The following FAM114A2 variants were observed in gnomAD, a reference collection of about 807,000 sequenced individuals.
The protein encoded by FAM114A2 is family with sequence similarity 114 member A2.
In FAM114A2, 53 loss-of-function variants were observed where a neutral mutation model predicts 58.4. That is an observed-to-expected ratio of 0.91 (90% CI 0.73 to 1.14). The LOEUF is 1.14. FAM114A2 is among the 50% of genes most tolerant of loss of function. The pLI is 0.00. For synonymous variants in FAM114A2, 228 were observed against 211.4 expected (o/e 1.08, Z -0.68); for missense variants, 601 against 581.1 (o/e 1.03, Z -0.35).
At chr5:153,995,080 T>G (rs1052940594) in intron 12 of FAM114A2, 108 bp from the exon 13 acceptor site, 5 of 730,688 alleles carry the variant, frequency 6.8e-6, no homozygotes, top group Non-Finnish European at 1.2e-5. Context: ...AAATATTAAA[T>G]ATAAGCACAG....
Position 153,992,893 on chromosome 5 carries a change from ACTCCT to A in FAM114A2, c.*78_*82del. The A allele has an allele frequency of 8.0e-7, 1 of 1,256,154 alleles. No homozygotes were observed. Among genetic ancestry groups the A allele is most frequent in the East Asian group, 2.4e-5 (1 of 41,240 alleles). 77.8% of individuals were successfully genotyped at this position (1,256,154 alleles called of 1,614,324 possible). A position where few individuals can be genotyped will look rare whatever the true frequency, so the allele number is the denominator to read the frequency against. On this transcript the variant is annotated 3_prime_UTR_variant, in exon 14 of 14. Transcript: ENST00000351797. Reference sequence around the variant, plus strand: ...AATTTTTATATACTAAAATAACCCCACTCCTTCATTTCTGCAGGAGTAGCCAGAAT... The same window carrying A: ...AATTTTTATATACTAAAATAACCCCATCATTTCTGCAGGAGTAGCCAGAAT...
At chr5:153,997,305 G>A (rs1769635293) in intron 12 of FAM114A2, among the ~76,000 whole-genome samples, 1 of 152,136 alleles carries the variant, frequency 6.6e-6, no homozygotes. Flanking sequence ...ATACATGCAT[G>A]TTCATAGCAA....
chr5:154,010,351 G>A lies in FAM114A2; in HGVS notation c.993+890C>T, dbSNP rs75493691. On this transcript the variant is annotated intron_variant, in intron 9 of 13. Transcript: ENST00000351797. ...AAGATCAAAAGTGCTTTAGTAAAGT[G>A]TTACAGTAGAGGTGAGGGAGATGAG... 1.9e-3 allele frequency among the ~76,000 whole-genome samples: 282 copies of A among 152,304 alleles called. 1 individual carries two copies. The highest frequency in any genetic ancestry group is 2.2e-3 in the Non-Finnish European group (153 of 68,026).
intron 6 of FAM114A2, 99 bp downstream of exon 6, chr5:154,028,050 A>C (rs2113461704): frequency 9.1e-7 from 1 of 1,098,416 alleles, no homozygotes; most frequent in Non-Finnish European, 1.3e-6. Flanking sequence ...ATTATTGAAA[A>C]TGCTTGAAAA....
At position 154,034,937 on chromosome 5, in the gene FAM114A2, T is replaced by A. The variant is rs775288748; in HGVS notation, c.17A>T (p.Asp6Val). MSDKDDIETPLLTEAA... is the reference protein window; with the variant it reads MSDKDVIETPLLTEAA... The stretch of plus-strand genomic sequence containing the variant: ...TTCAGTTAGCAGTGGAGTCTCAATA[T>A]CATCTTTATCTGACATGATTAGAAC... Residue 6 changes from aspartate to valine, a missense_variant, in exon 2 of 14, where the codon GAT (aspartate) becomes GTT (valine). Transcript: ENST00000351797. 2.2e-5 allele frequency: 35 copies of A among 1,613,474 alleles called. No individual in the cohort carries two copies. Among genetic ancestry groups the A allele is most frequent in the Non-Finnish European group, 2.9e-5 (34 of 1,179,562 alleles).
chr5:154,001,553 C>T (rs1438948997), intron 11 of FAM114A2, among the ~76,000 whole-genome samples: 2 of 152,218 alleles, frequency 1.3e-5, no homozygotes, highest in African/African-American at 4.8e-5. Context: ...CTGCAGAAGA[C>T]TGACAGCCCC....
At chr5:154,011,735 G>A (rs1286936025) in intron 8 of FAM114A2, among the ~76,000 whole-genome samples, 3 of 152,270 alleles carry the variant, frequency 2.0e-5, no homozygotes, top group South Asian at 4.1e-4. Flanking sequence ...CTGTACATGC[G>A]CTTCCAAGAA....
intron 8 of FAM114A2, among the ~76,000 whole-genome samples, chr5:154,022,070 C>A (rs1465200696): frequency 1.3e-5 from 2 of 152,134 alleles, no homozygotes; most frequent in African/African-American, 4.8e-5. Context: ...ATAAATGGTG[C>A]TGGGAAAACT....
intron 1 of FAM114A2, 150 bp from the exon 2 acceptor site, chr5:154,035,117 A>C: frequency 1.7e-6 from 1 of 582,692 alleles, no homozygotes; most frequent in Admixed American, 3.2e-5. Context: ...AGTTTCCCCC[A>C]ATGGTAAAAC....
chr5:154,011,608 A>G (rs1011120890), intron 8 of FAM114A2, among the ~76,000 whole-genome samples: 2 of 152,230 alleles, frequency 1.3e-5, no homozygotes, highest in African/African-American at 4.8e-5. Flanking sequence ...ACTGCATAGC[A>G]AAGATTAGTA....
intron 9 of FAM114A2, among the ~76,000 whole-genome samples, chr5:154,003,819 T>C (rs75464319): frequency 6.6e-6 from 1 of 152,254 alleles, no homozygotes; most frequent in South Asian, 2.1e-4. Flanking sequence ...TTGCTGCATG[T>C]ATTAGTTCAT....
intron 8 of FAM114A2, among the ~76,000 whole-genome samples, chr5:154,021,367 G>C (rs1240617382): frequency 1.3e-5 from 2 of 152,190 alleles, no homozygotes; most frequent in African/African-American, 2.4e-5. Context: ...GTCCCTGTTT[G>C]CAGATGACAT....
At position 154,002,313 on chromosome 5, in the gene FAM114A2, T is replaced by A. The variant is rs138263333; in HGVS notation, c.1194A>T (p.Ala398=). Residue 398 remains alanine (A), a synonymous_variant, in exon 11 of 14, where the codon GCA becomes GCT. Transcript: ENST00000351797. Reference sequence around the variant, plus strand: ...CCTGCTTCCTGCCATGCAGAACCAATGCAGCTGTTTTGTGGAATAGTTCAA... The same window carrying A: ...CCTGCTTCCTGCCATGCAGAACCAAAGCAGCTGTTTTGTGGAATAGTTCAA... The part of the protein sequence containing the change: ...CSIELFHKTA[A]LVLHGRKQEV... The A allele has an allele frequency of 2.6e-4, 414 of 1,614,098 alleles. 3 individuals are homozygous for A. In the East Asian group the frequency reaches 6.9e-3, roughly 27 times the overall value.
intron 9 of FAM114A2, among the ~76,000 whole-genome samples, chr5:154,009,794 G>A (rs907995080): frequency 1.2e-4 from 18 of 151,924 alleles, no homozygotes; most frequent in East Asian, 7.7e-4. Flanking sequence ...AAACACCAAC[G>A]TCATAAAAGA....
In FAM114A2 at chr5:154,002,861, TG is replaced by T. The variant is rs1314311347; in HGVS notation, c.1101del (p.Asn367LysfsTer5). On this transcript the variant is annotated frameshift_variant, in exon 10 of 14. Coordinates refer to ENST00000351797, the MANE Select transcript of FAM114A2 (RefSeq NM_018691.4). LOFTEE classifies it high-confidence loss of function. Reference sequence around the variant, plus strand: ...GCTTTGGCTACCTCTATTGAATTTTTGTTGACTTGCTCAGTATTTTCTGCTT... The same window carrying T: ...GCTTTGGCTACCTCTATTGAATTTTTTTGACTTGCTCAGTATTTTCTGCTT... Reference protein sequence around the residue: ...QSEAENTEQVNKNSIEDIHAF... With the variant: ...QSEAENTEQVXKNSIEDIHAF... 2.5e-6 allele frequency: 4 copies of T among 1,614,018 alleles called. No individual in the cohort carries two copies. The highest frequency in any genetic ancestry group is 3.4e-6 in the Non-Finnish European group (4 of 1,179,988).
At chr5:154,016,195 G>C (rs931060152) in intron 8 of FAM114A2, among the ~76,000 whole-genome samples, 1 of 152,048 alleles carries the variant, frequency 6.6e-6, no homozygotes, top group Non-Finnish European at 1.5e-5. Flanking sequence ...ACACATTTGG[G>C]GGAATAATCG....
At chr5:154,030,584 G>A (rs1772121633) in intron 4 of FAM114A2, among the ~76,000 whole-genome samples, 1 of 152,244 alleles carries the variant, frequency 6.6e-6, no homozygotes, top group African/African-American at 2.4e-5. Context: ...ACAGAGGGAG[G>A]AGAAACCCAA....
Position 154,026,382 on chromosome 5 carries a change from C to T in FAM114A2, c.913+17G>A. The T allele has an allele frequency of 5.8e-6, 9 of 1,540,232 alleles. No individual in the cohort carries two copies. Among genetic ancestry groups the T allele is most frequent in the Non-Finnish European group, 7.8e-6 (9 of 1,146,834 alleles). On this transcript the variant is annotated intron_variant, in intron 8 of 13. Transcript: ENST00000351797. ...ACACTGCATCCTCTCCACTCAGATACTAAATTTTCATATTACCTTTTTTCT... is the reference window on the plus strand; with the variant it reads ...ACACTGCATCCTCTCCACTCAGATATTAAATTTTCATATTACCTTTTTTCT...
chr5:154,010,224 T>C (rs1196788437), intron 9 of FAM114A2, among the ~76,000 whole-genome samples: 2 of 152,220 alleles, frequency 1.3e-5, no homozygotes, highest in African/African-American at 2.4e-5. Context: ...GAAGTAAGTA[T>C]TAACAGTACT....
Sources: allele counts gnomAD v4.1 joint callset (sites outside exome capture counted in the v4.1 genomes callset), GRCh38; gene constraint gnomAD v4.1.1; transcripts MANE v1.5; gene names NCBI Gene and HGNC (gene_info 2026-07-23, HGNC 2026-07-21).